Variants in LIPN observed in about 807,000 individuals in gnomAD.
LIPN encodes lipase family member N.
In LIPN, 32 loss-of-function variants were observed where a neutral mutation model predicts 43.7. The observed-to-expected ratio is 0.73, with a 90% CI of 0.55 to 0.98. LIPN has a LOEUF of 0.98. LIPN is among the 50% of genes least tolerant of loss of function. LIPN has a pLI of 0.00. For missense variants in LIPN, 505 were observed against 483.8 expected (o/e 1.04, Z -0.41); for synonymous variants, 156 against 157.6 (o/e 0.99, Z 0.08).
chr10:88,774,178 T>C (rs1249246874), intron 7 of LIPN, among the ~76,000 whole-genome samples: 3 of 152,032 alleles, frequency 2.0e-5, no homozygotes, highest in Admixed American at 2.0e-4. Context: ...GAACCTTTCC[T>C]AGTTGGCTTT....
In LIPN at chr10:88,778,173, T is replaced by C. The variant is rs1453297442; in HGVS notation, c.1128T>C (p.Phe376=). 1.2e-6 allele frequency: 2 copies of C among 1,613,376 alleles called. No individual in the cohort carries two copies. Among genetic ancestry groups the C allele is most frequent in the African/African-American group, 2.7e-5 (2 of 74,932 alleles). The stretch of plus-strand genomic sequence containing the variant: ...TGCCAGATTGGAACCACTTTGATTT[T>C]GTCTGGGGCCTCGATGCCCCTCAAC... The part of the protein sequence containing the change: ...KLLPDWNHFD[F]VWGLDAPQRM... Residue 376 remains phenylalanine (F), a synonymous_variant, in exon 10 of 10, where the codon TTT becomes TTC. Coordinates refer to ENST00000404459, the MANE Select transcript of LIPN (RefSeq NM_001102469.2).
chr10:88,768,230 C>T (rs1205970034), intron 5 of LIPN, among the ~76,000 whole-genome samples: 2 of 151,838 alleles, frequency 1.3e-5, no homozygotes, highest in Non-Finnish European at 2.9e-5. Context: ...ACTGGGCCAT[C>T]GTGGATGCTA....
At chr10:88,760,308 C>T (rs1842977153) in intron 1 of LIPN, among the ~76,000 whole-genome samples, 1 of 151,806 alleles carries the variant, frequency 6.6e-6, no homozygotes, top group South Asian at 2.1e-4. Flanking sequence ...ATAATAGTAC[C>T]AAAATTAGGG....
rs888646776 is a variant in LIPN, at chr10:88,774,601, G to T, written c.891+57G>T. 34 of 1,404,628 alleles carry T rather than the reference G, an allele frequency of 2.4e-5. No individual in the cohort carries two copies. The South Asian group carries it at 3.4e-4, about 14-fold the overall frequency. 87.0% of individuals were successfully genotyped at this position (1,404,628 alleles called of 1,614,324 possible). A position where few individuals can be genotyped will look rare whatever the true frequency, so the allele number is the denominator to read the frequency against. Reference sequence around the variant, plus strand: ...TCCTTATTTTCAATATATTTAAAAAGACAGAATTGACCCTGTTAACAGGCC... The same window carrying T: ...TCCTTATTTTCAATATATTTAAAAATACAGAATTGACCCTGTTAACAGGCC... On this transcript the variant is annotated intron_variant, in intron 8 of 9. Transcript: ENST00000404459.
chr10:88,771,025 T>C (rs1486840710), intron 7 of LIPN, 34 bp downstream of exon 7: 3 of 1,501,496 alleles, frequency 2.0e-6, no homozygotes, highest in African/African-American at 1.4e-5. Context: ...ATTTGATACC[T>C]TAAGAAATTC....
chr10:88,768,710 G>A, intron 5 of LIPN, 82 bp from the exon 6 acceptor site: 3 of 1,170,468 alleles, frequency 2.6e-6, no homozygotes, highest in Non-Finnish European at 3.7e-6. Flanking sequence ...AGGAAAAAAT[G>A]ACTAAGCAGA....
intron 8 of LIPN, 58 bp downstream of exon 8, chr10:88,774,602 A>C (rs1590183012): frequency 7.1e-7 from 1 of 1,414,802 alleles, no homozygotes; most frequent in East Asian, 2.3e-5. Flanking sequence ...ATTTAAAAAG[A>C]CAGAATTGAC....
intron 4 of LIPN, 69 bp downstream of exon 4, chr10:88,764,677 T>C: frequency 1.8e-6 from 2 of 1,118,912 alleles, no homozygotes; most frequent in Non-Finnish European, 2.5e-6. Flanking sequence ...GTGGACGCTA[T>C]TAATGATTAT....
chr10:88,768,508 C>T (rs762467828), intron 5 of LIPN, among the ~76,000 whole-genome samples: 6 of 151,874 alleles, frequency 4.0e-5, no homozygotes, highest in Non-Finnish European at 7.4e-5. Flanking sequence ...GTTTACACAG[C>T]AGTAGCTACT....
intron 9 of LIPN, among the ~76,000 whole-genome samples, chr10:88,776,218 C>A: frequency 6.7e-6 from 1 of 149,702 alleles, no homozygotes; most frequent in East Asian, 2.0e-4. Context: ...TAGAAAAGGT[C>A]TAGAAAAAAA....
chr10:88,771,048 G>T (rs778628004), intron 7 of LIPN, 57 bp downstream of exon 7: 10 of 1,365,916 alleles, frequency 7.3e-6, no homozygotes, highest in Non-Finnish European at 1.0e-5. Flanking sequence ...GCTTTCCTTT[G>T]ACTCATTTTG....
At chr10:88,774,089 T>C (rs143828224) in intron 7 of LIPN, among the ~76,000 whole-genome samples, 1 of 152,162 alleles carries the variant, frequency 6.6e-6, no homozygotes, top group Non-Finnish European at 1.5e-5. Context: ...CAACAGGGCC[T>C]GAACTCCTGG....
chr10:88,774,027 A>C (rs529732755), intron 7 of LIPN, among the ~76,000 whole-genome samples: 1 of 152,006 alleles, frequency 6.6e-6, no homozygotes, highest in Non-Finnish European at 1.5e-5. Flanking sequence ...AAACACAGAA[A>C]CTCAAAGATG....
At chr10:88,777,007 C>A (rs1446117214) in intron 9 of LIPN, among the ~76,000 whole-genome samples, 1 of 152,082 alleles carries the variant, frequency 6.6e-6, no homozygotes, top group Admixed American at 6.6e-5. Flanking sequence ...TTCTTATCAA[C>A]ATATTTTTAG....
rs373968515 is a variant in LIPN at position 88,764,432 on chromosome 10, G to A, written c.249G>A (p.Met83Ile). 5.9e-5 allele frequency: 95 copies of A among 1,611,432 alleles called. No homozygotes were observed. Among genetic ancestry groups the A allele is most frequent in the Non-Finnish European group, 7.9e-5 (93 of 1,178,596 alleles). ...RSTGPRPVVY[M>I]QHALFADNAY... is the part of the protein sequence containing the mutation. ...CAGGTCCCCGGCCAGTTGTGTATAT[G>A]CAGCATGCCCTGTTTGCAGACAATG... is the stretch of plus-strand genomic sequence containing the variant. The change falls in exon 4 of 10, where the codon ATG becomes ATA. Residue 83 changes from methionine to isoleucine, a missense_variant. By Grantham distance (10) the Met-to-Ile change is conservative. Coordinates refer to ENST00000404459, the MANE Select transcript of LIPN (RefSeq NM_001102469.2).
chr10:88,774,227 T>C (rs1021609168), intron 7 of LIPN, among the ~76,000 whole-genome samples: 4 of 152,044 alleles, frequency 2.6e-5, no homozygotes, highest in African/African-American at 9.7e-5. Context: ...TACTTCAAAA[T>C]AAGCAAATTA....
intron 6 of LIPN, 100 bp downstream of exon 6, chr10:88,769,028 T>C: frequency 1.7e-6 from 2 of 1,186,040 alleles, no homozygotes; most frequent in Non-Finnish European, 2.4e-6. Context: ...GAAATTTAGA[T>C]AAAATCTATA....
At position 88,766,350 on chromosome 10, in the gene LIPN, C is replaced by T. The variant is rs777163975; in HGVS notation, c.507C>T (p.Phe169=). Residue 169 remains phenylalanine, a synonymous_variant, in exon 5 of 10, where the codon TTC becomes TTT. Transcript: ENST00000404459. ...VNKTGQEKLY[F]IGHSLGTTIG... ...AAACTGGTCAGGAGAAATTGTATTT[C>T]ATTGGACATTCACTTGGCACTACAA... The T allele has an allele frequency of 1.2e-6, 2 of 1,604,806 alleles. No individual in the cohort carries two copies. The highest frequency in any genetic ancestry group is 3.3e-5 in the Admixed American group (2 of 59,760).
intron 3 of LIPN, 133 bp downstream of exon 3, chr10:88,762,438 A>T: frequency 1.6e-6 from 1 of 631,542 alleles, no homozygotes; most frequent in Non-Finnish European, 2.8e-6. Context: ...TTAAATAGTT[A>T]TCAGGGAGGC....
Sources: gnomAD v4.1 joint callset for allele counts (sites outside exome capture counted in the v4.1 genomes callset) on GRCh38, gnomAD v4.1.1 for gene constraint, MANE v1.5 for transcripts, NCBI Gene and HGNC (gene_info 2026-07-23, HGNC 2026-07-21) for gene names.